UBE2B: variants seen among roughly 807,000 people sequenced by gnomAD.
The protein encoded by UBE2B is ubiquitin conjugating enzyme E2 B, also known as ubiquitin-conjugating enzyme E2 B.
UBE2B carries 11 observed loss-of-function variants against 24.6 expected under a neutral mutation model. That is an observed-to-expected ratio of 0.45 (90% CI 0.28 to 0.74). The LOEUF (loss-of-function observed/expected upper bound fraction) is 0.74. UBE2B is among the 30% of genes least tolerant of loss of function. The pLI is 0.13. For synonymous variants in UBE2B, 68 were observed against 62.4 expected (o/e 1.09, Z -0.42); for missense variants, 78 against 185.6 (o/e 0.42, Z 3.37).
At chr5:134,376,395 T>A (rs947697021) in intron 2 of UBE2B, among the ~76,000 whole-genome samples, 3 of 113,300 alleles carry the variant, frequency 2.6e-5, no homozygotes, top group Non-Finnish European at 5.3e-5. Flanking sequence ...TGGTCAGTAT[T>A]AATGAAAGTT....
At chr5:134,383,755 C>T (rs932672949) in intron 4 of UBE2B, among the ~76,000 whole-genome samples, 17 of 152,104 alleles carry the variant, frequency 1.1e-4, no homozygotes, top group Admixed American at 6.6e-4. Flanking sequence ...CCACCGTGCC[C>T]GGCCTCAAAA....
In UBE2B at chr5:134,389,391, T is replaced by TA. The variant is rs563696403; in HGVS notation, c.331-833dup. ...GACATTTGCAAAGTAACTGCAGTAA[T>TA]AGAGTTTAACCTTGGAAAATGTTGG... On this transcript the variant is annotated intron_variant, in intron 5 of 5. Coordinates refer to ENST00000265339, the MANE Select transcript of UBE2B (RefSeq NM_003337.4). 3.8e-4 allele frequency among the ~76,000 whole-genome samples: 58 copies of TA among 152,326 alleles called. No individual in the cohort carries two copies. The Middle Eastern group carries it at 0.01, about 27-fold the overall frequency.
chr5:134,385,024 T>C (rs1253238575), intron 4 of UBE2B, among the ~76,000 whole-genome samples: 2 of 152,260 alleles, frequency 1.3e-5, no homozygotes, highest in Non-Finnish European at 2.9e-5. Flanking sequence ...GATATAATAG[T>C]ATCTGTGATT....
chr5:134,384,149 C>T (rs765236288), intron 4 of UBE2B, among the ~76,000 whole-genome samples: 1 of 152,166 alleles, frequency 6.6e-6, no homozygotes, highest in Non-Finnish European at 1.5e-5. Context: ...TGTGGCGTTC[C>T]CCATCAGCCA....
intron 3 of UBE2B, 144 bp from the exon 4 acceptor site, chr5:134,380,575 T>C: frequency 3.3e-6 from 2 of 599,366 alleles, no homozygotes; most frequent in South Asian, 1.9e-5. Flanking sequence ...AAATAGAGTA[T>C]ATTTAGGATG....
At chr5:134,384,792 C>T (rs1758768789) in intron 4 of UBE2B, among the ~76,000 whole-genome samples, 2 of 152,212 alleles carry the variant, frequency 1.3e-5, no homozygotes, top group South Asian at 4.1e-4. Context: ...ACCATGACCA[C>T]TTTAAAAACA....
At chr5:134,387,836 C>T (rs1341185697) in intron 4 of UBE2B, among the ~76,000 whole-genome samples, 1 of 151,506 alleles carries the variant, frequency 6.6e-6, no homozygotes, top group East Asian at 1.9e-4. Flanking sequence ...AGGTTCTTAC[C>T]CTGTCATCCA....
At chr5:134,388,118 C>T in intron 4 of UBE2B, 1 of 575,656 alleles carries the variant, frequency 1.7e-6, no homozygotes, top group East Asian at 3.0e-5. Context: ...AATTACATTT[C>T]AACATGAGAT....
chr5:134,374,265 C>T, intron 1 of UBE2B, 118 bp from the exon 2 acceptor site: 2 of 913,808 alleles, frequency 2.2e-6, no homozygotes, highest in Non-Finnish European at 3.5e-6. Context: ...TTCACAATAA[C>T]AAGGAAATGG....
rs539949302 is a variant in UBE2B, at chr5:134,380,099, G to A, written c.152-620G>A. ...GCTCATTTTTGTACTTTTAGTAGAG[G>A]TGGAGTTTGACCACGTTGGCCAGGC... is the stretch of plus-strand genomic sequence containing the variant. On this transcript the variant is annotated intron_variant, in intron 3 of 5. Transcript: ENST00000265339. 2.6e-5 allele frequency among the ~76,000 whole-genome samples: 4 copies of A among 152,158 alleles called. No homozygotes were observed. In the East Asian group the frequency reaches 5.8e-4, roughly 22 times the overall value.
chr5:134,373,676 T>A (rs191190908), intron 1 of UBE2B, among the ~76,000 whole-genome samples: 1 of 152,130 alleles, frequency 6.6e-6, no homozygotes, highest in Non-Finnish European at 1.5e-5. Context: ...GATGTTCCCT[T>A]TCCTGTGTCC....
chr5:134,372,480 G>A (rs181111005), intron 1 of UBE2B, among the ~76,000 whole-genome samples: 4 of 152,264 alleles, frequency 2.6e-5, no homozygotes, highest in South Asian at 2.1e-4. Flanking sequence ...TAGAGACATA[G>A]AAAAAATAAG....
intron 2 of UBE2B, among the ~76,000 whole-genome samples, chr5:134,374,962 A>G (rs1758574587): frequency 1.3e-5 from 2 of 152,280 alleles, no homozygotes; most frequent in Non-Finnish European, 2.9e-5. Flanking sequence ...AAAAAAGGAA[A>G]AAGTTTCAGC....
intron 2 of UBE2B, 38 bp downstream of exon 2, chr5:134,374,501 G>C (rs1207927558): frequency 1.3e-6 from 2 of 1,543,408 alleles, no homozygotes; most frequent in Non-Finnish European, 1.8e-6. Context: ...GGTGTGTGCT[G>C]AATCTTTAAG....
At position 134,376,710 on chromosome 5, in the gene UBE2B, T is replaced by C. The variant is rs1758615900; in HGVS notation, c.151+16T>C. On this transcript the variant is annotated intron_variant, in intron 3 of 5. Transcript: ENST00000265339. Reference sequence around the variant, plus strand: ...TTTGAAGATGGTAAGTCATACTCATTATGTTTTCTATAGTGTTATGAGGTT... The same window carrying C: ...TTTGAAGATGGTAAGTCATACTCATCATGTTTTCTATAGTGTTATGAGGTT... 2 of 1,607,506 alleles carry C rather than the reference T, an allele frequency of 1.2e-6. No individual in the cohort carries two copies. Among genetic ancestry groups the C allele is most frequent in the Non-Finnish European group, 1.7e-6 (2 of 1,176,682 alleles).
intron 3 of UBE2B, among the ~76,000 whole-genome samples, chr5:134,378,348 C>G (rs909290356): frequency 2.0e-5 from 3 of 152,136 alleles, no homozygotes; most frequent in African/African-American, 7.2e-5. Flanking sequence ...AAGCCTCCGC[C>G]TCCGAGGTTC....
Position 134,390,782 on chromosome 5 carries a change from G to T in UBE2B, c.*429G>T. Reference sequence around the variant, plus strand: ...TAAAATACATAACTTCAGTGCAAGAGACTTTGTCACTTATTTCCTTATGTG... The same window carrying T: ...TAAAATACATAACTTCAGTGCAAGATACTTTGTCACTTATTTCCTTATGTG... On this transcript the variant is annotated 3_prime_UTR_variant, in exon 6 of 6. Transcript: ENST00000265339. The surrounding 1 kb of genome is among the most constrained non-coding windows in gnomAD (Gnocchi z 4.6). The T allele has an allele frequency of 4.9e-6, 1 of 204,876 alleles. No individual in the cohort carries two copies. The allele number at this position is 204,876 out of a possible 1,614,324, so 12.7% of individuals were successfully genotyped here.
At chr5:134,380,931 T>C (rs1758697499) in intron 4 of UBE2B, 123 bp downstream of exon 4, 2 of 582,584 alleles carry the variant, frequency 3.4e-6, no homozygotes, top group African/African-American at 2.0e-5. Flanking sequence ...TCCATGTCCA[T>C]GTGAGCCACG....
At chr5:134,371,719 C>T (rs1429646951) in intron 1 of UBE2B, 80 bp downstream of exon 1, 2 of 1,591,842 alleles carry the variant, frequency 1.3e-6, no homozygotes, top group African/African-American at 1.3e-5. Flanking sequence ...ACACCTTCCC[C>T]TTTGTGACCC....
Sources: gnomAD v4.1 joint callset for allele counts (sites outside exome capture counted in the v4.1 genomes callset) on GRCh38, gnomAD v4.1.1 for gene constraint, Gnocchi (gnomAD v3.1) non-coding constraint, MANE v1.5 for transcripts, NCBI Gene and HGNC (gene_info 2026-07-23, HGNC 2026-07-21) for gene names.